The following KASH5 variants were observed in gnomAD, a reference collection of about 807,000 sequenced individuals.
KASH5 encodes the protein protein KASH5.
A neutral mutation model predicts 84.2 loss-of-function variants in KASH5; 72 were observed. The observed-to-expected ratio is 0.85, with a 90% CI of 0.71 to 1.04. KASH5 has a LOEUF of 1.04. KASH5 is among the 50% of genes least tolerant of loss of function. The pLI is 0.00. For missense variants in KASH5, 650 were observed against 701.0 expected, an observed-to-expected ratio of 0.93 and a Z score of 0.82; for synonymous variants, 260 against 279.1, an observed-to-expected ratio of 0.93 and a Z score of 0.68.
At chr19:49,408,881 A>G in intron 12 of KASH5, 86 bp from the exon 13 acceptor site, 6 of 1,421,214 alleles carry the variant, frequency 4.2e-6, no homozygotes, top group Non-Finnish European at 4.8e-6. Context: ...GGAAAGGGGA[A>G]AGAACCCTGG....
At chr19:49,398,440 G>A (rs1188393113) in intron 7 of KASH5, among the ~76,000 whole-genome samples, 1 of 150,582 alleles carries the variant, frequency 6.6e-6, no homozygotes, top group Non-Finnish European at 1.5e-5. Flanking sequence ...GGTGATCACA[G>A]CTCACTGTAC....
In KASH5 at chr19:49,412,345, G is replaced by C. The variant is rs1974747325; in HGVS notation, c.1270-623G>C. On this transcript the variant is annotated intron_variant, in intron 15 of 19. Transcript: ENST00000447857. This position sits in a 1 kb window ranked among gnomAD's most constrained non-coding sequence, Gnocchi z 4.6. The stretch of plus-strand genomic sequence containing the variant: ...CAGAGCAGGGGTCAGACGGGATGTG[G>C]GTGATGGGGAGGGAGGAAAGGAGGC... Among the ~76,000 whole-genome samples the C allele has an allele frequency of 6.6e-6, 1 of 152,120 alleles. No individual in the cohort carries two copies. Among genetic ancestry groups the C allele is most frequent in the African/African-American group, 2.4e-5 (1 of 41,432 alleles).
rs1164913009 is a variant in KASH5, at chr19:49,409,273, C to A, written c.1136C>A (p.Ala379Asp). 1 of 1,613,778 alleles carries A rather than the reference C, an allele frequency of 6.2e-7. No individual in the cohort carries two copies. The highest frequency in any genetic ancestry group is 8.5e-7 in the Non-Finnish European group (1 of 1,179,826). Residue 379 changes from alanine to aspartate, a missense_variant, in exon 14 of 20, where the codon GCC (alanine) becomes GAC (aspartate). Transcript: ENST00000447857. ...CCATCGCTGGGCTTGGAGATCGAGGCCATTCGACAGGTGGGCCTAACACCC... is the reference window on the plus strand; with the variant it reads ...CCATCGCTGGGCTTGGAGATCGAGGACATTCGACAGGTGGGCCTAACACCC... ...LPPSLGLEIEAIRQKQEVATA... is the reference protein window; with the variant it reads ...LPPSLGLEIEDIRQKQEVATA...
chr19:49,401,415 C>G (rs1386041082), intron 9 of KASH5, among the ~76,000 whole-genome samples: 1 of 152,204 alleles, frequency 6.6e-6, no homozygotes, highest in South Asian at 2.1e-4. Flanking sequence ...TCCCAAACCC[C>G]ACCCAGGCCT....
intron 9 of KASH5, among the ~76,000 whole-genome samples, chr19:49,400,510 A>G (rs1219257529): frequency 6.6e-6 from 1 of 151,848 alleles, no homozygotes; most frequent in Non-Finnish European, 1.5e-5. Context: ...GATTACAGGC[A>G]TGTGCCACCA....
At chr19:49,411,185 A>G (rs1974698269) in intron 15 of KASH5, among the ~76,000 whole-genome samples, 1 of 149,064 alleles carries the variant, frequency 6.7e-6, no homozygotes, top group Non-Finnish European at 1.5e-5. Flanking sequence ...TGATCCGCCT[A>G]CCTCAGTCTC....
chr19:49,412,980 G>T lies in KASH5; in HGVS notation c.1282G>T (p.Gly428Ter). The T allele has an allele frequency of 6.2e-7, 1 of 1,613,772 alleles. No homozygotes were observed. The highest frequency in any genetic ancestry group is 8.5e-7 in the Non-Finnish European group (1 of 1,179,852). Reference sequence around the variant, plus strand: ...TTTGTTTCCACAGAGAAACTTCCAGGGAGAGCCAGCGCACCCTGAAGAAGG... The same window carrying T: ...TTTGTTTCCACAGAGAAACTTCCAGTGAGAGCCAGCGCACCCTGAAGAAGG... The part of the protein sequence containing the change: ...APAGGQRNFQ[G>*]EPAHPEEGRK... The change falls in exon 16 of 20, where the codon GGA becomes TGA. Residue 428 changes from glycine (G) to a stop codon, truncating the protein, a stop_gained. Transcript: ENST00000447857. LOFTEE classifies it high-confidence loss of function. The surrounding 1 kb of genome is among the most constrained non-coding windows in gnomAD (Gnocchi z 4.6).
rs1200503376 is a variant in KASH5 at position 49,416,736 on chromosome 19, T to C, written c.1375-279T>C. ...CAAGCTATTGCCCCCGCCTTTTTTT[T>C]CCTACATTCACTCATTTAGTCTCCA... On this transcript the variant is annotated intron_variant, in intron 17 of 19. Coordinates refer to ENST00000447857, the MANE Select transcript of KASH5 (RefSeq NM_144688.5). This position sits in a 1 kb window ranked among gnomAD's most constrained non-coding sequence, Gnocchi z 5.4. Among the ~76,000 whole-genome samples the C allele has an allele frequency of 3.3e-5, 5 of 152,156 alleles. No individual in the cohort carries two copies. The highest frequency in any genetic ancestry group is 4.8e-5 in the African/African-American group (2 of 41,428).
intron 11 of KASH5, 43 bp from the exon 12 acceptor site, chr19:49,407,569 T>C: frequency 6.4e-7 from 1 of 1,552,416 alleles, no homozygotes; most frequent in Non-Finnish European, 8.7e-7. Flanking sequence ...CCAGTGTCTT[T>C]GGGGAACTGG....
At chr19:49,393,015 G>C (rs1314503258) in intron 2 of KASH5, among the ~76,000 whole-genome samples, 1 of 152,054 alleles carries the variant, frequency 6.6e-6, no homozygotes. Context: ...CCAAACCTAG[G>C]AGCATAGGTT....
In KASH5 at chr19:49,412,892, G is replaced by GA; in HGVS notation, c.1270-75dup. The GA allele has an allele frequency of 3.5e-6, 5 of 1,445,604 alleles. No homozygotes were observed. The highest frequency in any genetic ancestry group is 9.6e-7 in the Non-Finnish European group (1 of 1,039,010). The allele number at this position is 1,445,604 out of a possible 1,614,324, so 89.5% of individuals were successfully genotyped here. On this transcript the variant is annotated intron_variant, in intron 15 of 19. Coordinates refer to ENST00000447857, the MANE Select transcript of KASH5 (RefSeq NM_144688.5). The surrounding 1 kb of genome is among the most constrained non-coding windows in gnomAD (Gnocchi z 4.6). ...TATATGGGGTCTGGGACCGGCGGGG[G>GA]AGACAGTGGGCACTGTTAGGGTTGG...
intron 5 of KASH5, among the ~76,000 whole-genome samples, chr19:49,396,353 C>G (rs1974182787): frequency 6.6e-6 from 1 of 150,832 alleles, no homozygotes; most frequent in Admixed American, 6.7e-5. Context: ...CTCCTGGGTT[C>G]AAGCAGTTCT....
chr19:49,397,356 G>A (rs995617402), intron 5 of KASH5, among the ~76,000 whole-genome samples: 6 of 152,082 alleles, frequency 3.9e-5, no homozygotes, highest in South Asian at 2.1e-4. Context: ...AGCCAGGTCC[G>A]CCCAGTGGCT....
chr19:49,413,165 G>A (rs556399051), intron 16 of KASH5, 139 bp downstream of exon 16: 2 of 819,590 alleles, frequency 2.4e-6, no homozygotes, highest in African/African-American at 3.4e-5. Context: ...GCAGAACCTG[G>A]GCCTGTAGGC....
At chr19:49,389,061 A>G (rs1006306089) in intron 1 of KASH5, among the ~76,000 whole-genome samples, 2 of 149,138 alleles carry the variant, frequency 1.3e-5, no homozygotes, top group African/African-American at 4.9e-5. Context: ...ACCCCCAGAA[A>G]TCCAGTCAGA....
chr19:49,415,005 TC>T lies in KASH5; in HGVS notation c.1374+13del. Reference sequence around the variant, plus strand: ...CAGAGAGCCAGGTCACGGTAGGCAGTCCCCAGCACCCCTCCCCAGTCCCCAT... The same window carrying T: ...CAGAGAGCCAGGTCACGGTAGGCAGTCCCAGCACCCCTCCCCAGTCCCCAT... On this transcript the variant is annotated intron_variant, in intron 17 of 19. Transcript: ENST00000447857. 6.2e-7 allele frequency: 1 copy of T among 1,610,712 alleles called. No homozygotes were observed. Among genetic ancestry groups the T allele is most frequent in the Non-Finnish European group, 8.5e-7 (1 of 1,178,622 alleles).
At chr19:49,407,057 G>T in intron 10 of KASH5, 94 bp downstream of exon 10, 1 of 1,348,518 alleles carries the variant, frequency 7.4e-7, no homozygotes, top group South Asian at 1.3e-5. Flanking sequence ...ATAAGGGCAG[G>T]GTCTTCCATC....
intron 17 of KASH5, chr19:49,415,450 G>T: frequency 8.6e-6 from 2 of 232,176 alleles, no homozygotes; most frequent in South Asian, 1.1e-4. Context: ...CCAGTGCCCG[G>T]TGGGGGTTAA....
At chr19:49,391,197 C>T (rs987069105) in intron 2 of KASH5, among the ~76,000 whole-genome samples, 1 of 152,150 alleles carries the variant, frequency 6.6e-6, no homozygotes, top group African/African-American at 2.4e-5. Flanking sequence ...CAGATCGCGG[C>T]CCAGATGGCA....
Sources: gnomAD v4.1 joint callset for allele counts (sites outside exome capture counted in the v4.1 genomes callset) on GRCh38, gnomAD v4.1.1 for gene constraint, Gnocchi (gnomAD v3.1) non-coding constraint, MANE v1.5 for transcripts, NCBI Gene and HGNC (gene_info 2026-07-23, HGNC 2026-07-21) for gene names.